The following SLC25A26 variants were observed in gnomAD, a reference collection of about 807,000 sequenced individuals.
SLC25A26 encodes mitochondrial S-adenosylmethionine carrier protein.
SLC25A26 carries 36 observed loss-of-function variants against 37.8 expected under a neutral mutation model. The observed-to-expected ratio is 0.95, with a 90% CI of 0.73 to 1.26. The LOEUF (loss-of-function observed/expected upper bound fraction) is 1.26, where lower values mean the gene tolerates loss of function less well. Among genes scored for constraint, SLC25A26 ranks in the 50% most tolerant of loss-of-function variants. The pLI, the probability that SLC25A26 is intolerant of heterozygous loss-of-function variation, is 0.00. For synonymous variants in SLC25A26, 129 were observed against 122.5 expected (o/e 1.05, Z -0.35); for missense variants, 390 against 331.1 (o/e 1.18, Z -1.38).
chr3:66,172,277 G>A (rs147556667), intron 1 of SLC25A26, among the ~76,000 whole-genome samples: 1,925 of 152,022 alleles, frequency 0.013, 39 homozygotes, highest in East Asian at 0.075. Context: ...CAGGTATGGT[G>A]TCATGCACCT....
intron 5 of SLC25A26, among the ~76,000 whole-genome samples, chr3:66,287,432 C>G (rs578016762): frequency 1.8e-4 from 27 of 151,760 alleles, no homozygotes; most frequent in African/African-American, 6.3e-4. Flanking sequence ...AATTCGGTAT[C>G]TTTCACTTTT....
intron 1 of SLC25A26, among the ~76,000 whole-genome samples, chr3:66,211,475 G>A (rs1300571720): frequency 6.6e-6 from 1 of 152,126 alleles, no homozygotes; most frequent in Non-Finnish European, 1.5e-5. Context: ...TTCCGTACTG[G>A]GAAATTACCT....
intron 5 of SLC25A26, among the ~76,000 whole-genome samples, chr3:66,321,694 T>C (rs984912229): frequency 6.6e-6 from 1 of 152,120 alleles, no homozygotes. Context: ...TTAACATTTT[T>C]CAAAAGTTTT....
At chr3:66,305,373 A>G (rs1396142268) in intron 5 of SLC25A26, among the ~76,000 whole-genome samples, 2 of 152,234 alleles carry the variant, frequency 1.3e-5, no homozygotes, top group African/African-American at 4.8e-5. Flanking sequence ...AAAAAATGGA[A>G]TTCCTGGTTA....
Position 66,171,498 on chromosome 3 carries a change from T to C in SLC25A26, c.-354+37514T>C, listed in dbSNP as rs564549380. On this transcript the variant is annotated intron_variant, in intron 1 of 10. Coordinates refer to the SLC25A26 transcript ENST00000676754. ...ATGAAGGACCCTGAGATTTTTCTTT[T>C]CTTTTTTTTTGAGCAGAGTCTTGCT... 3.9e-5 allele frequency among the ~76,000 whole-genome samples: 6 copies of C among 152,304 alleles called. No homozygotes were observed. In the South Asian group the frequency reaches 1.2e-3, roughly 32 times the overall value.
chr3:66,259,501 C>T (rs1037569684), intron 3 of SLC25A26, among the ~76,000 whole-genome samples: 1 of 152,064 alleles, frequency 6.6e-6, no homozygotes, highest in African/African-American at 2.4e-5. Context: ...GTTTTGGGAC[C>T]ACCATATGCC....
chr3:66,317,845 A>G (rs2075582779), intron 5 of SLC25A26, among the ~76,000 whole-genome samples: 1 of 152,188 alleles, frequency 6.6e-6, no homozygotes, highest in African/African-American at 2.4e-5. Flanking sequence ...CTACCCAGTG[A>G]GGAGGAGTGG....
intron 5 of SLC25A26, among the ~76,000 whole-genome samples, chr3:66,302,671 A>G (rs1576831955): frequency 6.6e-6 from 1 of 152,218 alleles, no homozygotes; most frequent in African/African-American, 2.4e-5. Flanking sequence ...TCAAGTATGC[A>G]TAATAGTGTT....
At chr3:66,346,511 C>G in intron 6 of SLC25A26, 103 bp downstream of exon 6, 2 of 562,558 alleles carry the variant, frequency 3.6e-6, no homozygotes, top group Admixed American at 8.1e-5. Flanking sequence ...AGTTCAGCAA[C>G]TCAAACCTAT....
chr3:66,319,587 T>G (rs2075636750), intron 5 of SLC25A26, among the ~76,000 whole-genome samples: 1 of 152,110 alleles, frequency 6.6e-6, no homozygotes, highest in South Asian at 2.1e-4. Flanking sequence ...TCAAAGTTGA[T>G]CTGATTAAAT....
At chr3:66,239,304 T>C (rs1281209040) in intron 2 of SLC25A26, among the ~76,000 whole-genome samples, 2 of 151,988 alleles carry the variant, frequency 1.3e-5, no homozygotes, top group Non-Finnish European at 2.9e-5. Context: ...CTTTTATGGT[T>C]TTCTTGATTG....
chr3:66,184,615 T>G (rs2070787123), intron 1 of SLC25A26, among the ~76,000 whole-genome samples: 1 of 152,274 alleles, frequency 6.6e-6, no homozygotes. Context: ...ATGTATTACA[T>G]GCTCAACCAA....
At chr3:66,371,531 C>G in intron 9 of SLC25A26, 1 of 1,277,136 alleles carries the variant, frequency 7.8e-7, no homozygotes, top group Non-Finnish European at 1.0e-6. Context: ...TGTGACAACT[C>G]TGAGGGATTG....
At position 66,346,708 on chromosome 3, in the gene SLC25A26, CTGTGTGCGTG is replaced by C. The variant is rs1207762647; in HGVS notation, c.498+307_498+316del. Among the ~76,000 whole-genome samples the C allele has an allele frequency of 6.8e-5, 8 of 116,900 alleles. No homozygotes were observed. The East Asian group carries it at 2.2e-3, about 32-fold the overall frequency. 76.7% of individuals were successfully genotyped at this position (116,900 alleles called of 152,430 possible). On this transcript the variant is annotated intron_variant, in intron 6 of 9. Coordinates refer to ENST00000354883, the MANE Select transcript of SLC25A26 (RefSeq NM_001379210.1). Reference sequence around the variant, plus strand: ...TTCTCCACCGTTAAATTTCATTTTGCTGTGTGCGTGTGTGTGTGTGTGTGTGTGTGTGTGT... The same window carrying C: ...TTCTCCACCGTTAAATTTCATTTTGCTGTGTGTGTGTGTGTGTGTGTGTGT...
At chr3:66,368,003 C>T (rs924053738) in intron 7 of SLC25A26, among the ~76,000 whole-genome samples, 1 of 152,220 alleles carries the variant, frequency 6.6e-6, no homozygotes, top group African/African-American at 2.4e-5. Flanking sequence ...TCAGGGGTAA[C>T]CAGAAATGGA....
intron 9 of SLC25A26, chr3:66,371,230 G>A: frequency 6.5e-7 from 1 of 1,534,758 alleles, no homozygotes; most frequent in Non-Finnish European, 8.8e-7. Context: ...TTTCTTGCAA[G>A]AGCAAAGCAG....
chr3:66,261,098 C>G (rs1321228413), intron 3 of SLC25A26, among the ~76,000 whole-genome samples: 2 of 152,176 alleles, frequency 1.3e-5, no homozygotes, highest in African/African-American at 2.4e-5. Context: ...AACTCCAGGG[C>G]TCAAGCGACC....
intron 3 of SLC25A26, among the ~76,000 whole-genome samples, chr3:66,252,425 A>T (rs1221117570): frequency 2.0e-5 from 3 of 152,244 alleles, no homozygotes; most frequent in African/African-American, 7.2e-5. Context: ...GTAGGGAGGT[A>T]GCAAGGTATG....
chr3:66,137,514 A>G (rs1320770016), intron 1 of SLC25A26, among the ~76,000 whole-genome samples: 2 of 151,466 alleles, frequency 1.3e-5, no homozygotes, highest in African/African-American at 4.9e-5. Context: ...AGGCATGAAC[A>G]ACCACACCCA....
Sources: gnomAD v4.1 joint callset for allele counts (sites outside exome capture counted in the v4.1 genomes callset) on GRCh38, gnomAD v4.1.1 for gene constraint, MANE v1.5 for transcripts, NCBI Gene and HGNC (gene_info 2026-07-23, HGNC 2026-07-21) for gene names.